Variants in KDR observed in about 807,000 individuals in gnomAD.
The protein encoded by KDR is vascular endothelial growth factor receptor 2.
Under a neutral mutation model 160.9 loss-of-function variants are expected in KDR, and 43 were observed. The ratio of observed to expected loss-of-function variants is 0.27; its 90% CI spans 0.21 to 0.34. The LOEUF (loss-of-function observed/expected upper bound fraction) is 0.34, where lower values mean the gene tolerates loss of function less well. Among genes scored for constraint, KDR ranks in the 10% least tolerant of loss-of-function variants. The pLI, the probability that KDR is intolerant of heterozygous loss-of-function variation, is 1.00. For synonymous variants in KDR, 617 were observed against 600.1 expected, an observed-to-expected ratio of 1.03 and a Z score of -0.41; for missense variants, 1,469 against 1,666.4, an observed-to-expected ratio of 0.88 and a Z score of 2.06.
chr4:55,107,439 C>T (rs182258358), intron 10 of KDR, among the ~76,000 whole-genome samples: 76 of 152,124 alleles, frequency 5.0e-4, no homozygotes, highest in African/African-American at 1.3e-3. Flanking sequence ...CGATTGGTAT[C>T]GGGAGAAAAA....
intron 18 of KDR, 151 bp from the exon 19 acceptor site, chr4:55,096,493 G>A: frequency 1.6e-6 from 1 of 622,834 alleles, no homozygotes; most frequent in Middle Eastern, 2.5e-4. Flanking sequence ...TTCCTCAAAA[G>A]TGAAGTGTAA....
Position 55,110,762 on chromosome 4 carries a change from G to T in KDR, c.983C>A (p.Pro328His), listed in dbSNP as rs767143286. ...NSTFVRVHEK[P>H]FVAFGSGMES... ...CATGCCACTTCCAAAAGCAACAAAAGGTTTTTCTGGAAGAAAATAAAAAAA... is the reference window on the plus strand; with the variant it reads ...CATGCCACTTCCAAAAGCAACAAAATGTTTTTCTGGAAGAAAATAAAAAAA... The change falls in exon 8 of 30, where the codon CCT becomes CAT. Residue 328 changes from proline (P) to histidine (H), a missense_variant. Around this residue, in one of 7 missense-constraint regions of KDR, gnomAD observed 792 missense variants for 840.9 expected, o/e 0.94. Coordinates refer to ENST00000263923, the MANE Select transcript of KDR (RefSeq NM_002253.4). 5 of 1,589,740 alleles carry T rather than the reference G, an allele frequency of 3.1e-6. No homozygotes were observed. In the East Asian group the frequency reaches 9.1e-5, roughly 29 times the overall value.
intron 18 of KDR, 60 bp downstream of exon 18, chr4:55,097,602 C>A: frequency 9.1e-7 from 1 of 1,098,560 alleles, no homozygotes; most frequent in South Asian, 1.3e-5. Flanking sequence ...ACAAGCCTTG[C>A]AACATATTTA....
In KDR at chr4:55,092,667, A is replaced by G; in HGVS notation, c.3019T>C (p.Cys1007Arg). 1 of 1,614,066 alleles carries G rather than the reference A, an allele frequency of 6.2e-7. No homozygotes were observed. The highest frequency in any genetic ancestry group is 8.5e-7 in the Non-Finnish European group (1 of 1,179,944). ...CCCTTAGCCACTTGGAAGCTGTAAC[A>G]GATGAGATGCTCCAAGGTCAGGAAG... ...KDFLTLEHLICYSFQVAKGME... is the reference protein window; with the variant it reads ...KDFLTLEHLIRYSFQVAKGME... Residue 1007 changes from cysteine to arginine, a missense_variant, in exon 22 of 30, where the codon TGT becomes CGT. By Grantham distance (180) the Cys-to-Arg change is radical (BLOSUM62 -3). Coordinates refer to ENST00000263923, the MANE Select transcript of KDR (RefSeq NM_002253.4).
At position 55,125,374 on chromosome 4, in the gene KDR, G is replaced by T; in HGVS notation, c.-81C>A. The stretch of plus-strand genomic sequence containing the variant: ...AGCGCCTGTCTAGAGAAGGAGGCGC[G>T]GAGGTGGAACTCGCGGCACCCCGCA... On this transcript the variant is annotated 5_prime_UTR_variant, in exon 1 of 30. Transcript: ENST00000263923. 1 of 1,500,208 alleles carries T rather than the reference G, an allele frequency of 6.7e-7. No individual in the cohort carries two copies. The highest frequency in any genetic ancestry group is 9.0e-7 in the Non-Finnish European group (1 of 1,106,540). The allele number at this position is 1,500,208 out of a possible 1,614,324, so 92.9% of individuals were successfully genotyped here. A position where few individuals can be genotyped will look rare whatever the true frequency, so the allele number is the denominator to read the frequency against.
chr4:55,083,171 C>T lies in KDR; in HGVS notation c.3663-536G>A, dbSNP rs140259342. Among the ~76,000 whole-genome samples the T allele has an allele frequency of 5.6e-3, 854 of 152,278 alleles. 11 individuals are homozygous for T. Among genetic ancestry groups the T allele is most frequent in the Admixed American group, 0.033 (502 of 15,292 alleles). On this transcript the variant is annotated intron_variant, in intron 27 of 29. Transcript: ENST00000263923. Reference sequence around the variant, plus strand: ...CTCCATGTAACAGAGGCTTGGTGTGCAAAGAGAAGGTGGGCTGAGTCTCAC... The same window carrying T: ...CTCCATGTAACAGAGGCTTGGTGTGTAAAGAGAAGGTGGGCTGAGTCTCAC...
At position 55,101,882 on chromosome 4, in the gene KDR, T is replaced by G; in HGVS notation, c.2266+15A>C. The stretch of plus-strand genomic sequence containing the variant: ...CATGGTGTATATGTACCACATTTTT[T>G]TTTATCCCACTGACCTTCTATTATG... On this transcript the variant is annotated intron_variant, in intron 15 of 29. Transcript: ENST00000263923. 6.2e-7 allele frequency: 1 copy of G among 1,608,952 alleles called. No individual in the cohort carries two copies. Among genetic ancestry groups the G allele is most frequent in the Non-Finnish European group, 8.5e-7 (1 of 1,176,380 alleles).
chr4:55,108,309 G>GCCTGTC (rs2110025739), intron 9 of KDR, among the ~76,000 whole-genome samples: 2 of 152,234 alleles, frequency 1.3e-5, no homozygotes, highest in East Asian at 3.9e-4. Flanking sequence ...GAAATCCTGT[G>GCCTGTC]CCTCTCATCT....
chr4:55,089,580 T>C (rs1719956138), intron 24 of KDR, 107 bp from the exon 25 acceptor site: 1 of 1,367,916 alleles, frequency 7.3e-7, no homozygotes, highest in Non-Finnish European at 1.0e-6. Flanking sequence ...ATTTTTTTTT[T>C]CAAAGCTTCC....
At position 55,102,512 on chromosome 4, in the gene KDR, G is replaced by C. The variant is rs752683688; in HGVS notation, c.1988-4C>G. 1.4e-5 allele frequency: 23 copies of C among 1,613,478 alleles called. No homozygotes were observed. The highest frequency in any genetic ancestry group is 1.5e-5 in the Non-Finnish European group (18 of 1,179,652). On this transcript the variant is annotated splice_polypyrimidine_tract_variant and splice_region_variant and intron_variant, in intron 13 of 29. Transcript: ENST00000263923. Reference sequence around the variant, plus strand: ...GTGATCGTGGGTGCCACACGCTCTAGACACACAAAAAGAAAATCACAGAAC... The same window carrying C: ...GTGATCGTGGGTGCCACACGCTCTACACACACAAAAAGAAAATCACAGAAC...
intron 2 of KDR, among the ~76,000 whole-genome samples, chr4:55,120,376 C>T (rs1720840479): frequency 6.6e-6 from 1 of 152,102 alleles, no homozygotes; most frequent in Non-Finnish European, 1.5e-5. Context: ...ATGTTAAACC[C>T]AAGGGTCTTC....
chr4:55,094,544 G>A (rs1029832372), intron 21 of KDR, among the ~76,000 whole-genome samples: 3 of 152,188 alleles, frequency 2.0e-5, no homozygotes, highest in African/African-American at 7.2e-5. Flanking sequence ...GAACACTGCT[G>A]TGGTTGTAGC....
At chr4:55,102,276 C>A in intron 14 of KDR, 86 bp downstream of exon 14, 1 of 1,487,910 alleles carries the variant, frequency 6.7e-7, no homozygotes, top group Non-Finnish European at 9.4e-7. Flanking sequence ...TTTTTTTCTA[C>A]ATTACATCAA....
intron 27 of KDR, among the ~76,000 whole-genome samples, chr4:55,085,728 A>G (rs1719846911): frequency 6.6e-6 from 1 of 152,216 alleles, no homozygotes; most frequent in South Asian, 2.1e-4. Flanking sequence ...GATAAAAGAG[A>G]AACTGGGCTG....
intron 2 of KDR, among the ~76,000 whole-genome samples, chr4:55,120,197 T>C (rs1158401705): frequency 6.6e-6 from 1 of 152,158 alleles, no homozygotes; most frequent in African/African-American, 2.4e-5. Context: ...TGTCATTCGG[T>C]TTAATGCTTA....
intron 18 of KDR, among the ~76,000 whole-genome samples, chr4:55,097,019 A>G (rs1578131510): frequency 6.6e-6 from 1 of 152,332 alleles, no homozygotes; most frequent in South Asian, 2.1e-4. Flanking sequence ...CTATTGGCAA[A>G]GGGTCATTGG....
chr4:55,096,673 T>C (rs970811125), intron 18 of KDR: 8 of 374,936 alleles, frequency 2.1e-5, no homozygotes, highest in African/African-American at 1.7e-4. Context: ...TCAGGTTCAC[T>C]ATGATTCTGA....
Position 55,125,402 on chromosome 4 carries a change from G to T in KDR, c.-109C>A, listed in dbSNP as rs919430835. 37 of 1,378,374 alleles carry T rather than the reference G, an allele frequency of 2.7e-5. No homozygotes were observed. Among genetic ancestry groups the T allele is most frequent in the South Asian group, 4.9e-5 (4 of 80,810 alleles). 85.4% of individuals were successfully genotyped at this position (1,378,374 alleles called of 1,614,324 possible). ...GGTGGAACTCGCGGCACCCCGCAGC[G>T]CAGGACAGTTGAGCGCACAGGGCTA... On this transcript the variant is annotated 5_prime_UTR_variant, in exon 1 of 30. Coordinates refer to ENST00000263923, the MANE Select transcript of KDR (RefSeq NM_002253.4).
chr4:55,097,195 A>G (rs1720180076), intron 18 of KDR, among the ~76,000 whole-genome samples: 1 of 152,190 alleles, frequency 6.6e-6, no homozygotes, highest in African/African-American at 2.4e-5. Context: ...TTTTTCTAAC[A>G]CAACCATTCT....
Sources: allele counts gnomAD v4.1 joint callset (sites outside exome capture counted in the v4.1 genomes callset), GRCh38; gene constraint gnomAD v4.1.1; regional missense constraint gnomAD v4.1.1; transcripts MANE v1.5; gene names NCBI Gene and HGNC (gene_info 2026-07-23, HGNC 2026-07-21).